HEATR5A: variants seen among roughly 807,000 people sequenced by gnomAD.
HEATR5A encodes the protein HEAT repeat containing 5A, also known as HEAT repeat-containing protein 5A.
HEATR5A carries 178 observed loss-of-function variants against 218.8 expected under a neutral mutation model. The ratio of observed to expected loss-of-function variants is 0.81; its 90% CI spans 0.72 to 0.92. The LOEUF (loss-of-function observed/expected upper bound fraction) is 0.92. Among genes scored for constraint, HEATR5A ranks in the 40% least tolerant of loss-of-function variants. HEATR5A has a pLI of 0.00. For missense variants in HEATR5A, 2,420 were observed against 2,418.9 expected, an observed-to-expected ratio of 1.00 and a Z score of -0.01; for synonymous variants, 864 against 871.6, an observed-to-expected ratio of 0.99 and a Z score of 0.15.
intron 28 of HEATR5A, among the ~76,000 whole-genome samples, chr14:31,312,016 G>A (rs1342690404): frequency 1.3e-5 from 2 of 152,174 alleles, no homozygotes; most frequent in African/African-American, 2.4e-5. Flanking sequence ...CATGTGGGAC[G>A]TGCAGTTTCG....
At chr14:31,332,178 A>G (rs116904011) in intron 22 of HEATR5A, among the ~76,000 whole-genome samples, 255 of 152,366 alleles carry the variant, frequency 1.7e-3, no homozygotes, top group South Asian at 9.3e-3. Context: ...AAAAATTATA[A>G]TATCTGTTAT....
At chr14:31,390,923 T>C (rs1024405864) in intron 6 of HEATR5A, among the ~76,000 whole-genome samples, 1 of 152,164 alleles carries the variant, frequency 6.6e-6, no homozygotes, top group Non-Finnish European at 1.5e-5. Flanking sequence ...GGCATCGCTA[T>C]TACAGGAGAT....
chr14:31,348,692 C>G (rs1400461460), intron 18 of HEATR5A, among the ~76,000 whole-genome samples: 1 of 152,176 alleles, frequency 6.6e-6, no homozygotes, highest in Non-Finnish European at 1.5e-5. Context: ...ATCCTCTCAA[C>G]AACCCTGGAA....
rs61754287 is a variant in HEATR5A, at chr14:31,349,939, A to C, written c.2558T>G (p.Met853Arg). Residue 853 changes from methionine (M) to arginine (R), a missense_variant, in exon 18 of 36, where the codon ATG (methionine) becomes AGG (arginine). By Grantham distance (91) the Met-to-Arg change is moderately conservative. Transcript: ENST00000543095. ...GSKGCLGPEE[M>R]KRFALTLVMG... ...AACTAATGTTAAGGCAAATCTTTTC[A>C]TTTCTTCTGGACCTAAACATCCCTT... 10 of 1,605,430 alleles carry C rather than the reference A, an allele frequency of 6.2e-6. No individual in the cohort carries two copies. Among genetic ancestry groups the C allele is most frequent in the Non-Finnish European group, 7.7e-6 (9 of 1,175,456 alleles).
rs751020831 is a variant in HEATR5A, at chr14:31,395,338, C to T, written c.458G>A (p.Arg153Gln). 8.5e-5 allele frequency: 128 copies of T among 1,510,946 alleles called. No individual in the cohort carries two copies. Among genetic ancestry groups the T allele is most frequent in the Non-Finnish European group, 1.1e-4 (121 of 1,131,066 alleles). The allele number at this position is 1,510,946 out of a possible 1,614,324, so 93.6% of individuals were successfully genotyped here. The change falls in exon 5 of 36, where the codon CGA becomes CAA. Residue 153 changes from arginine to glutamine, a missense_variant. Arg to Gln is a conservative substitution (Grantham distance 43). Transcript: ENST00000543095. ...TTGCAGACTTAGCATAATCTCATAT[C>T]GGCCTTGAGACTTCCAAAAAGAAAA... ...KAMKSAESQG[R>Q]YEIMLSLQNI...
chr14:31,372,839 A>T (rs1224467803), intron 12 of HEATR5A, among the ~76,000 whole-genome samples: 1 of 151,922 alleles, frequency 6.6e-6, no homozygotes, highest in African/African-American at 2.4e-5. Flanking sequence ...AAAACAAAAA[A>T]ACAAAGTCAG....
intron 25 of HEATR5A, 129 bp from the exon 26 acceptor site, chr14:31,318,421 C>A (rs1899978130): frequency 1.4e-6 from 1 of 695,874 alleles, no homozygotes; most frequent in South Asian, 1.8e-5. Context: ...TTTGTCTACC[C>A]AGTGTATCTT....
rs529392954 is a variant in HEATR5A at position 31,293,101 on chromosome 14, AAAAAC to A, written c.*199_*203del. ...TTAGCTCCATTGTCTTTTTAAATAG[AAAAAC>A]AAAACAAAACAAAACACAAACCCCA... On this transcript the variant is annotated 3_prime_UTR_variant, in exon 36 of 36. Transcript: ENST00000543095. The A allele has an allele frequency of 5.3e-4, 245 of 461,996 alleles. No individual in the cohort carries two copies. Among genetic ancestry groups the A allele is most frequent in the African/African-American group, 3.6e-3 (180 of 49,922 alleles). The allele number at this position is 461,996 out of a possible 1,614,324, so 28.6% of individuals were successfully genotyped here.
intron 16 of HEATR5A, among the ~76,000 whole-genome samples, chr14:31,352,783 C>G (rs900700768): frequency 2.6e-5 from 4 of 152,002 alleles, no homozygotes; most frequent in Admixed American, 2.0e-4. Context: ...CATGGTGAAA[C>G]TCCATCTCTA....
Position 31,292,008 on chromosome 14 carries a change from CA to C in HEATR5A, c.*1296del, listed in dbSNP as rs1263438915. 2.6e-5 allele frequency: 4 copies of C among 151,872 alleles called. No individual in the cohort carries two copies. Among genetic ancestry groups the C allele is most frequent in the African/African-American group, 7.2e-5 (3 of 41,446 alleles). The allele number at this position is 151,872 out of a possible 1,614,324, so 9.4% of individuals were successfully genotyped here. On this transcript the variant is annotated 3_prime_UTR_variant, in exon 36 of 36. Transcript: ENST00000543095. ...TTAAGAGGGAAATGCTCTGTTTTGA[CA>C]CAGTGCTTGATTCACACAGTATAAC...
chr14:31,345,591 AAC>A (rs1266014543), intron 19 of HEATR5A, among the ~76,000 whole-genome samples: 3 of 152,272 alleles, frequency 2.0e-5, no homozygotes, highest in Non-Finnish European at 4.4e-5. Flanking sequence ...AAAAAGATTC[AAC>A]AAAATCTACA....
At chr14:31,359,128 G>A in intron 14 of HEATR5A, 71 bp from the exon 15 acceptor site, 5 of 1,462,674 alleles carry the variant, frequency 3.4e-6, no homozygotes, top group Non-Finnish European at 4.6e-6. Context: ...TTAAAACTCA[G>A]GTTGAGCTTT....
At chr14:31,416,242 G>A (rs976097299) in intron 1 of HEATR5A, among the ~76,000 whole-genome samples, 14 of 152,092 alleles carry the variant, frequency 9.2e-5, no homozygotes, top group Non-Finnish European at 1.8e-4. Flanking sequence ...TCAGCCTCCT[G>A]AGTAGCTGGG....
chr14:31,340,790 A>G (rs942671026), intron 21 of HEATR5A, among the ~76,000 whole-genome samples: 5 of 152,194 alleles, frequency 3.3e-5, no homozygotes, highest in Admixed American at 6.5e-5. Context: ...TCAAGTAGAC[A>G]TAAGTGTTGA....
intron 6 of HEATR5A, among the ~76,000 whole-genome samples, chr14:31,391,747 AC>A (rs1428660192): frequency 6.6e-6 from 1 of 152,170 alleles, no homozygotes; most frequent in Non-Finnish European, 1.5e-5. Flanking sequence ...TCATATTTAT[AC>A]TGTTCCTTTT....
chr14:31,319,444 C>CG (rs1566752426), intron 25 of HEATR5A, among the ~76,000 whole-genome samples: 1 of 152,158 alleles, frequency 6.6e-6, no homozygotes, highest in Non-Finnish European at 1.5e-5. Flanking sequence ...TGAGCCACCG[C>CG]GCCCGGCCTC....
At chr14:31,369,994 C>T (rs865944470) in intron 13 of HEATR5A, among the ~76,000 whole-genome samples, 1 of 148,924 alleles carries the variant, frequency 6.7e-6, no homozygotes, top group Non-Finnish European at 1.5e-5. Context: ...TTTGGGAGGC[C>T]GAGACAGGCG....
chr14:31,316,290 A>G (rs563017945), intron 26 of HEATR5A, among the ~76,000 whole-genome samples: 1 of 150,142 alleles, frequency 6.7e-6, no homozygotes, highest in South Asian at 2.1e-4. Context: ...CCCATCTCTT[A>G]AAAAACAAAA....
intron 30 of HEATR5A, among the ~76,000 whole-genome samples, chr14:31,307,641 C>T (rs111720579): frequency 6.8e-4 from 103 of 152,222 alleles, no homozygotes; most frequent in African/African-American, 2.4e-3. Flanking sequence ...CTGTCCTGGA[C>T]AATGCAATAT....
Sources: allele counts gnomAD v4.1 joint callset (sites outside exome capture counted in the v4.1 genomes callset), GRCh38; gene constraint gnomAD v4.1.1; transcripts MANE v1.5; gene names NCBI Gene and HGNC (gene_info 2026-07-23, HGNC 2026-07-21).